CLYBL: variants seen among roughly 807,000 people sequenced by gnomAD.
CLYBL encodes citramalyl-CoA lyase, also known as citramalyl-CoA lyase, mitochondrial.
A neutral mutation model predicts 38.9 loss-of-function variants in CLYBL; 31 were observed. That is an observed-to-expected ratio of 0.80 (90% CI 0.60 to 1.08). The LOEUF is 1.08. Ranked by LOEUF, CLYBL falls within the 50% of genes least tolerant of loss-of-function variation. The pLI, the probability that CLYBL is intolerant of heterozygous loss-of-function variation, is 0.00. For missense variants in CLYBL, 434 were observed against 411.6 expected, an observed-to-expected ratio of 1.05 and a Z score of -0.47; for synonymous variants, 171 against 158.6, an observed-to-expected ratio of 1.08 and a Z score of -0.59.
At position 99,871,174 on chromosome 13, in the gene CLYBL, G is replaced by A. The variant is rs549696137; in HGVS notation, c.927+112G>A. 1.2e-5 allele frequency: 15 copies of A among 1,239,600 alleles called. No individual in the cohort carries two copies. In the East Asian group the frequency reaches 3.1e-4, roughly 26 times the overall value. 76.8% of individuals were successfully genotyped at this position (1,239,600 alleles called of 1,614,324 possible). On this transcript the variant is annotated intron_variant, in intron 7 of 8. Coordinates refer to ENST00000339105, the MANE Select transcript of CLYBL (RefSeq NM_206808.5). ...AAGAAAACTCATCGTATCTGGAGAG[G>A]GGGGAAAGGGAGGGAACACAACATT...
At chr13:99,622,327 A>C (rs2046810606) in intron 1 of CLYBL, among the ~76,000 whole-genome samples, 1 of 152,120 alleles carries the variant, frequency 6.6e-6, no homozygotes, top group Non-Finnish European at 1.5e-5. Context: ...ATACCCATCC[A>C]CTGTTATAGA....
intron 1 of CLYBL, among the ~76,000 whole-genome samples, chr13:99,676,696 C>T (rs1336687430): frequency 2.0e-5 from 3 of 151,934 alleles, no homozygotes; most frequent in African/African-American, 7.3e-5. Flanking sequence ...CAGGTTCAAG[C>T]GATTCTCCTG....
chr13:99,655,458 C>T (rs960767456), intron 1 of CLYBL, among the ~76,000 whole-genome samples: 11 of 152,234 alleles, frequency 7.2e-5, no homozygotes, highest in African/African-American at 2.7e-4. Flanking sequence ...GGAATGAAGA[C>T]AGCTCAGCAA....
chr13:99,676,186 G>GTCCGTCCTTCCTTCCTTCCTTCCTTCCT (rs1459044000), intron 1 of CLYBL, among the ~76,000 whole-genome samples: 89 of 133,086 alleles, frequency 6.7e-4, no homozygotes, highest in East Asian at 8.5e-4. Context: ...CCCTCCGTCC[G>GTCCGTCCTTCCTTCCTTCCTTCCTTCCT]TCCTTCCTTC....
rs976159542 is a variant in CLYBL at position 99,828,842 on chromosome 13, G to A, written c.250-30019G>A. Among the ~76,000 whole-genome samples the A allele has an allele frequency of 4.1e-4, 62 of 152,140 alleles. 1 individual carries two copies. The highest frequency in any genetic ancestry group is 2.2e-4 in the Non-Finnish European group (15 of 67,994). On this transcript the variant is annotated intron_variant, in intron 2 of 8. Coordinates refer to ENST00000339105, the MANE Select transcript of CLYBL (RefSeq NM_206808.5). ...TGTGAGCCTTGCAAATATGGAGGGC[G>A]GCAGAGGTGCCAGGCTCCATCACGG...
intron 2 of CLYBL, among the ~76,000 whole-genome samples, chr13:99,807,167 C>T (rs925426277): frequency 2.6e-5 from 4 of 152,200 alleles, no homozygotes; most frequent in African/African-American, 9.6e-5. Flanking sequence ...GCTGCAGCTG[C>T]AAACCACAAC....
At chr13:99,769,528 A>G (rs1046923371) in intron 1 of CLYBL, among the ~76,000 whole-genome samples, 1 of 152,248 alleles carries the variant, frequency 6.6e-6, no homozygotes, top group African/African-American at 2.4e-5. Flanking sequence ...TCTAGTCTCC[A>G]GTGTGAATGA....
chr13:99,757,076 G>A (rs1189498845), intron 1 of CLYBL, among the ~76,000 whole-genome samples: 1 of 151,864 alleles, frequency 6.6e-6, no homozygotes, highest in African/African-American at 2.4e-5. Context: ...TTTAAAACAT[G>A]TTTGATAGAG....
chr13:99,642,633 G>C (rs1455994034), intron 1 of CLYBL, among the ~76,000 whole-genome samples: 1 of 151,846 alleles, frequency 6.6e-6, no homozygotes, highest in African/African-American at 2.4e-5. Flanking sequence ...GTCCAGGCTG[G>C]TCTCAAACTC....
intron 1 of CLYBL, among the ~76,000 whole-genome samples, chr13:99,743,267 G>A (rs537960821): frequency 6.6e-6 from 1 of 152,274 alleles, no homozygotes; most frequent in South Asian, 2.1e-4. Context: ...CAGGGCAATT[G>A]TAACCGCGAA....
chr13:99,878,651 T>A (rs192808622), intron 7 of CLYBL, among the ~76,000 whole-genome samples: 367 of 152,318 alleles, frequency 2.4e-3, no homozygotes, highest in African/African-American at 8.4e-3. Context: ...CGTACCTCAA[T>A]AAAGCCACTT....
intron 1 of CLYBL, among the ~76,000 whole-genome samples, chr13:99,614,532 G>A (rs1038424191): frequency 1.4e-4 from 22 of 152,192 alleles, no homozygotes; most frequent in African/African-American, 5.3e-4. Flanking sequence ...TGTGGTGGCT[G>A]GGCCCGAATT....
intron 3 of CLYBL, among the ~76,000 whole-genome samples, chr13:99,861,080 T>C (rs1428868675): frequency 4.6e-5 from 7 of 151,972 alleles, no homozygotes; most frequent in African/African-American, 1.7e-4. Flanking sequence ...CCCCTTCTTC[T>C]CCTCCCCCTA....
At chr13:99,710,163 C>T (rs2048208695) in intron 1 of CLYBL, among the ~76,000 whole-genome samples, 1 of 152,098 alleles carries the variant, frequency 6.6e-6, no homozygotes, top group Non-Finnish European at 1.5e-5. Flanking sequence ...CTGCCCGCCT[C>T]GGCCTCCCAA....
intron 2 of CLYBL, among the ~76,000 whole-genome samples, chr13:99,836,281 C>T (rs1328858839): frequency 6.6e-6 from 1 of 152,078 alleles, no homozygotes; most frequent in African/African-American, 2.4e-5. Flanking sequence ...CTCCCTCTAC[C>T]CCTGGCCCTG....
chr13:99,687,034 C>G (rs911986269), intron 1 of CLYBL, among the ~76,000 whole-genome samples: 4 of 152,182 alleles, frequency 2.6e-5, no homozygotes, highest in Non-Finnish European at 4.4e-5. Flanking sequence ...TTGCAGAGAG[C>G]TCCGGGGCTA....
chr13:99,883,468 G>A (rs908315577), intron 7 of CLYBL, among the ~76,000 whole-genome samples: 7 of 150,180 alleles, frequency 4.7e-5, no homozygotes, highest in African/African-American at 1.2e-4. Flanking sequence ...CCAATGAGCC[G>A]AGATCATGCC....
intron 1 of CLYBL, among the ~76,000 whole-genome samples, chr13:99,766,743 C>T (rs894618078): frequency 1.3e-5 from 2 of 152,140 alleles, no homozygotes; most frequent in Admixed American, 6.5e-5. Context: ...CCCAGGTTCA[C>T]CTCAGCTCTT....
rs918096456 is a variant in CLYBL, at chr13:99,639,708, C to T, written c.62+32951C>T. Among the ~76,000 whole-genome samples, 94 of 152,038 alleles carry T rather than the reference C, an allele frequency of 6.2e-4. 1 individual carries two copies. The highest frequency in any genetic ancestry group is 1.9e-4 in the Non-Finnish European group (13 of 68,020). On this transcript the variant is annotated intron_variant, in intron 1 of 8. Coordinates refer to ENST00000339105, the MANE Select transcript of CLYBL (RefSeq NM_206808.5). ...AGGAGTTTGAAACCAGCCTGGCCAACGCAGCGAGACCATATCTATACAAAA... is the reference window on the plus strand; with the variant it reads ...AGGAGTTTGAAACCAGCCTGGCCAATGCAGCGAGACCATATCTATACAAAA...
Sources: gnomAD v4.1 joint callset for allele counts (sites outside exome capture counted in the v4.1 genomes callset) on GRCh38, gnomAD v4.1.1 for gene constraint, MANE v1.5 for transcripts, NCBI Gene and HGNC (gene_info 2026-07-23, HGNC 2026-07-21) for gene names.